The following TCF12 variants were observed in gnomAD, a reference collection of about 807,000 sequenced individuals.
TCF12 encodes the protein transcription factor 12.
In TCF12, 45 loss-of-function variants were observed where a neutral mutation model predicts 86.0. That is an observed-to-expected ratio of 0.52 (90% CI 0.41 to 0.67). The LOEUF (loss-of-function observed/expected upper bound fraction) is 0.67, where lower values mean the gene tolerates loss of function less well. Among genes scored for constraint, TCF12 ranks in the 30% least tolerant of loss-of-function variants. TCF12 has a pLI of 0.00. For missense variants in TCF12, 881 were observed against 859.9 expected, an observed-to-expected ratio of 1.02 and a Z score of -0.31; for synonymous variants, 330 against 299.6, an observed-to-expected ratio of 1.10 and a Z score of -1.05.
intron 7 of TCF12, among the ~76,000 whole-genome samples, chr15:57,196,081 T>G (rs1376160040): frequency 6.6e-6 from 1 of 152,078 alleles, no homozygotes; most frequent in Non-Finnish European, 1.5e-5. Context: ...TCCCAGCACT[T>G]TGGGAGGCCG....
At position 57,263,170 on chromosome 15, in the gene TCF12, A is replaced by T. The variant is rs756688219; in HGVS notation, c.1641A>T (p.Lys547Asn). Reference sequence around the variant, plus strand: ...CAACAGAAATCAAGACTGAAAACAAAGAAAAGGATGAAAACCTTCATGAAC... The same window carrying T: ...CAACAGAAATCAAGACTGAAAACAATGAAAAGGATGAAAACCTTCATGAAC... ...VVTTEIKTEN[K>N]EKDENLHEPP... Residue 547 changes from lysine (K) to asparagine (N), a missense_variant, in exon 18 of 21, where the codon AAA (lysine) becomes AAT (asparagine). Physicochemically the swap from Lys to Asn is moderately conservative, Grantham distance 94 (BLOSUM62 0). Around this residue, in one of 3 missense-constraint regions of TCF12, gnomAD observed 766 missense variants for 718.9 expected, o/e 1.07. Transcript: ENST00000333725. 15 of 1,613,398 alleles carry T rather than the reference A, an allele frequency of 9.3e-6. No individual in the cohort carries two copies. In the East Asian group the frequency reaches 3.4e-4, roughly 36 times the overall value.
chr15:56,959,541 A>G (rs1868693804), intron 3 of TCF12, among the ~76,000 whole-genome samples: 1 of 152,212 alleles, frequency 6.6e-6, no homozygotes, highest in Admixed American at 6.5e-5. Context: ...TTAACCACCT[A>G]GGTTCATGAA....
At chr15:57,144,208 T>A (rs1436022085) in intron 5 of TCF12, among the ~76,000 whole-genome samples, 1 of 152,140 alleles carries the variant, frequency 6.6e-6, no homozygotes, top group Non-Finnish European at 1.5e-5. Context: ...TGCTTATGTG[T>A]TCATCCACAG....
intron 7 of TCF12, among the ~76,000 whole-genome samples, chr15:57,192,816 T>C (rs998295547): frequency 5.9e-5 from 9 of 152,264 alleles, no homozygotes; most frequent in Non-Finnish European, 1.2e-4. Context: ...CTTACTTTTA[T>C]AAATACATTG....
At chr15:57,086,655 A>C (rs1000712442) in intron 4 of TCF12, among the ~76,000 whole-genome samples, 2 of 151,174 alleles carry the variant, frequency 1.3e-5, no homozygotes, top group African/African-American at 4.9e-5. Context: ...GTCCAGGGAA[A>C]GCTTTCCTGA....
rs1211625276 is a variant in TCF12, at chr15:57,264,072, G to A, written c.1745+798G>A. Among the ~76,000 whole-genome samples the A allele has an allele frequency of 7.5e-4, 114 of 151,352 alleles. 1 individual carries two copies. The highest frequency in any genetic ancestry group is 7.4e-3 in the Admixed American group (112 of 15,202). Reference sequence around the variant, plus strand: ...AATAGTAAATTAACCTTAGCTTACTGTATGTCATTTACTTTATAAACTTAA... The same window carrying A: ...AATAGTAAATTAACCTTAGCTTACTATATGTCATTTACTTTATAAACTTAA... On this transcript the variant is annotated intron_variant, in intron 18 of 20. Coordinates refer to ENST00000333725, the MANE Select transcript of TCF12 (RefSeq NM_207037.2).
chr15:57,063,548 G>A (rs2068619468), intron 3 of TCF12, among the ~76,000 whole-genome samples: 1 of 152,092 alleles, frequency 6.6e-6, no homozygotes, highest in African/African-American at 2.4e-5. Context: ...TTTACATAGG[G>A]TATTGCATGA....
intron 3 of TCF12, among the ~76,000 whole-genome samples, chr15:56,934,810 A>G (rs2060396378): frequency 6.6e-6 from 1 of 152,092 alleles, no homozygotes; most frequent in African/African-American, 2.4e-5. Flanking sequence ...GCTTTGATGG[A>G]GGTCAGTGTA....
At chr15:57,265,303 C>T (rs1438217363) in intron 18 of TCF12, among the ~76,000 whole-genome samples, 1 of 152,036 alleles carries the variant, frequency 6.6e-6, no homozygotes, top group Non-Finnish European at 1.5e-5. Context: ...TGGGTTTTCT[C>T]TAAGTACTCC....
At chr15:57,181,113 C>T (rs1294782603) in intron 6 of TCF12, among the ~76,000 whole-genome samples, 3 of 151,878 alleles carry the variant, frequency 2.0e-5, no homozygotes, top group African/African-American at 7.3e-5. Flanking sequence ...CACGCCTGGC[C>T]GATGCTAATA....
intron 4 of TCF12, among the ~76,000 whole-genome samples, chr15:57,075,210 T>G (rs568337334): frequency 6.6e-6 from 1 of 152,356 alleles, no homozygotes; most frequent in South Asian, 2.1e-4. Context: ...TACTGTTGCA[T>G]CTTATTGAGT....
chr15:56,976,196 C>T (rs1595926271), intron 3 of TCF12, among the ~76,000 whole-genome samples: 2 of 137,772 alleles, frequency 1.5e-5, no homozygotes. Flanking sequence ...TACCGTTGGA[C>T]AACTAAATAG....
chr15:57,042,633 C>T (rs1268724401), intron 3 of TCF12, among the ~76,000 whole-genome samples: 1 of 152,088 alleles, frequency 6.6e-6, no homozygotes, highest in Non-Finnish European at 1.5e-5. Context: ...AAGCTGGTCT[C>T]GAAGTCTTGG....
intron 16 of TCF12, among the ~76,000 whole-genome samples, chr15:57,260,979 A>T (rs564307850): frequency 6.6e-6 from 1 of 152,238 alleles, no homozygotes; most frequent in East Asian, 1.9e-4. Context: ...AAATACTAAA[A>T]CTTTCTGAAA....
chr15:57,290,401 T>TG (rs2062059440), downstream of TCF12, among the ~76,000 whole-genome samples: 1 of 148,774 alleles, frequency 6.7e-6, no homozygotes, highest in African/African-American at 2.5e-5. Flanking sequence ...ACTGTGTGGG[T>TG]GGACAGCTGT....
intron 3 of TCF12, among the ~76,000 whole-genome samples, chr15:56,954,135 AT>A (rs2140478103): frequency 6.6e-6 from 1 of 152,016 alleles, no homozygotes; most frequent in East Asian, 1.9e-4. Context: ...AGTTTAAAAT[AT>A]TTTTCATTTC....
At chr15:57,124,888 A>AACCAGGATG (rs1567471197) in intron 5 of TCF12, among the ~76,000 whole-genome samples, 3 of 151,816 alleles carry the variant, frequency 2.0e-5, no homozygotes, top group Non-Finnish European at 4.4e-5. Flanking sequence ...TCACCGTGTC[A>AACCAGGATG]GTCTTGATCT....
intron 5 of TCF12, among the ~76,000 whole-genome samples, chr15:57,159,699 A>G (rs2054358292): frequency 1.1e-5 from 1 of 91,718 alleles, no homozygotes; most frequent in Non-Finnish European, 2.2e-5. Context: ...TTTAGCTTTT[A>G]AGAAAAACCA....
chr15:56,944,131 A>G (rs1438997532), intron 3 of TCF12, among the ~76,000 whole-genome samples: 2 of 152,194 alleles, frequency 1.3e-5, no homozygotes, highest in Non-Finnish European at 2.9e-5. Context: ...TAATGTGTTC[A>G]AAACAGAAGT....
Sources: allele counts gnomAD v4.1 joint callset (sites outside exome capture counted in the v4.1 genomes callset), GRCh38; gene constraint gnomAD v4.1.1; regional missense constraint gnomAD v4.1.1; transcripts MANE v1.5; gene names NCBI Gene and HGNC (gene_info 2026-07-23, HGNC 2026-07-21).